Variants in ZC3H8 observed in about 807,000 individuals in gnomAD.
ZC3H8 encodes zinc finger CCCH-type containing 8.
In ZC3H8, 27 loss-of-function variants were observed where a neutral mutation model predicts 42.5. That is an observed-to-expected ratio of 0.64 (90% confidence interval 0.47 to 0.88). The LOEUF (loss-of-function observed/expected upper bound fraction) is 0.88. ZC3H8 is among the 40% of genes least tolerant of loss of function. ZC3H8 has a pLI of 0.00. For missense variants in ZC3H8, 277 were observed against 336.1 expected, an observed-to-expected ratio of 0.82 and a Z score of 1.37; for synonymous variants, 101 against 110.1, an observed-to-expected ratio of 0.92 and a Z score of 0.52.
intron 2 of ZC3H8, among the ~76,000 whole-genome samples, chr2:112,245,877 T>A (rs1477941826): frequency 6.6e-6 from 1 of 152,200 alleles, no homozygotes; most frequent in East Asian, 1.9e-4. Flanking sequence ...CACTACAATC[T>A]ATGCATGTAA....
intron 1 of ZC3H8, among the ~76,000 whole-genome samples, chr2:112,254,650 C>G (rs1390943251): frequency 6.6e-6 from 1 of 152,254 alleles, no homozygotes; most frequent in Non-Finnish European, 1.5e-5. Flanking sequence ...TCGCCTCCAC[C>G]CCGCTCCCCC....
At chr2:112,254,654 C>CT (rs747211258) in intron 1 of ZC3H8, among the ~76,000 whole-genome samples, 2 of 152,248 alleles carry the variant, frequency 1.3e-5, no homozygotes, top group Non-Finnish European at 2.9e-5. Context: ...CTCCACCCCG[C>CT]TCCCCCGCCC....
intron 8 of ZC3H8, among the ~76,000 whole-genome samples, chr2:112,219,671 A>G (rs1469610901): frequency 6.6e-6 from 1 of 151,208 alleles, no homozygotes; most frequent in African/African-American, 2.4e-5. Context: ...TAATTTGCTG[A>G]GGATTATTTT....
Position 112,226,314 on chromosome 2 carries a change from C to T in ZC3H8, c.*15+4589G>A, listed in dbSNP as rs185890090. ...ATCTAATTAAAAAAAAGCGGCTGGG[C>T]GCGGTAGCTCACGCCTGTAATCCCA... On this transcript the variant is annotated intron_variant, in intron 8 of 8. Transcript: ENST00000409573. Among the ~76,000 whole-genome samples the T allele has an allele frequency of 8.1e-4, 122 of 151,500 alleles. 1 individual carries two copies. In the Middle Eastern group the frequency reaches 0.031, roughly 38 times the overall value.
chr2:112,219,489 A>C (rs777687470), intron 8 of ZC3H8, among the ~76,000 whole-genome samples: 1 of 152,188 alleles, frequency 6.6e-6, no homozygotes, highest in Non-Finnish European at 1.5e-5. Flanking sequence ...ATAGAGGAAA[A>C]CATAAGGGAA....
chr2:112,238,338 T>C lies in ZC3H8; in HGVS notation c.347A>G (p.Glu116Gly), dbSNP rs778416509. The part of the protein sequence containing the change: ...AAQPEESTKK[E>G]GVKDTPQAAK... ...ACCCTGTGGGGTATCTTTTACTCCT[T>C]CTTTCTTTGTAGATTCTTCAGGTTG... Residue 116 changes from glutamate (E) to glycine (G), a missense_variant, in exon 3 of 9, where the codon GAA becomes GGA. Transcript: ENST00000409573. The C allele has an allele frequency of 1.1e-5, 18 of 1,613,598 alleles. No homozygotes were observed. The highest frequency in any genetic ancestry group is 1.4e-5 in the Non-Finnish European group (17 of 1,179,874).
rs916790617 is a variant in ZC3H8, at chr2:112,214,353, C to T, written c.*2131G>A. ...ATCCCGTTTGCTTTGGCTTTAAAGA[C>T]GGTCAAGGATAAATTCAATAGAGCC... On this transcript the variant is annotated 3_prime_UTR_variant, in exon 9 of 9. Transcript: ENST00000409573. The T allele has an allele frequency of 2.6e-5, 4 of 152,068 alleles. No individual in the cohort carries two copies. Among genetic ancestry groups the T allele is most frequent in the Admixed American group, 6.6e-5 (1 of 15,262 alleles). 9.4% of individuals were successfully genotyped at this position (152,068 alleles called of 1,614,324 possible). A position where few individuals can be genotyped will look rare whatever the true frequency, so the allele number is the denominator to read the frequency against.
rs929406872 is a variant in ZC3H8 at position 112,212,531 on chromosome 2, C to T, written c.*3953G>A. On this transcript the variant is annotated 3_prime_UTR_variant, in exon 9 of 9. Coordinates refer to ENST00000409573, the MANE Select transcript of ZC3H8 (RefSeq NM_032494.3). ...CTTTGGCTGCAGGTAGCATAGTAGACAACCCAAATCAAAATGGCTTCAACA... is the reference window on the plus strand; with the variant it reads ...CTTTGGCTGCAGGTAGCATAGTAGATAACCCAAATCAAAATGGCTTCAACA... 11 of 152,146 alleles carry T rather than the reference C, an allele frequency of 7.2e-5. No homozygotes were observed. The highest frequency in any genetic ancestry group is 1.9e-4 in the African/African-American group (8 of 41,432). 9.4% of individuals were successfully genotyped at this position (152,146 alleles called of 1,614,324 possible). A position where few individuals can be genotyped will look rare whatever the true frequency, so the allele number is the denominator to read the frequency against.
Position 112,231,819 on chromosome 2 carries a change from T to C in ZC3H8, c.843+19A>G, listed in dbSNP as rs778565181. On this transcript the variant is annotated intron_variant, in intron 7 of 8. Transcript: ENST00000409573. Reference sequence around the variant, plus strand: ...CCTTAAAAAAGAAAAAACAAAAGATTATTAAAAATTATACTTACTTTAGCC... The same window carrying C: ...CCTTAAAAAAGAAAAAACAAAAGATCATTAAAAATTATACTTACTTTAGCC... 4 of 1,459,356 alleles carry C rather than the reference T, an allele frequency of 2.7e-6. No homozygotes were observed. Among genetic ancestry groups the C allele is most frequent in the Non-Finnish European group, 3.7e-6 (4 of 1,071,382 alleles). 90.4% of individuals were successfully genotyped at this position (1,459,356 alleles called of 1,614,324 possible).
chr2:112,253,369 T>G (rs547968884), intron 1 of ZC3H8, among the ~76,000 whole-genome samples: 2 of 152,220 alleles, frequency 1.3e-5, no homozygotes, highest in African/African-American at 2.4e-5. Context: ...ATACGATTTT[T>G]TGAATGAATG....
intron 4 of ZC3H8, among the ~76,000 whole-genome samples, chr2:112,235,894 T>C (rs1685297334): frequency 6.7e-6 from 1 of 149,692 alleles, no homozygotes; most frequent in Non-Finnish European, 1.5e-5. Flanking sequence ...TTTGATCTTC[T>C]CTGGGCTTCC....
Position 112,248,052 on chromosome 2 carries a change from A to G in ZC3H8, c.156+2139T>C, listed in dbSNP as rs140658584. Among the ~76,000 whole-genome samples, 823 of 152,332 alleles carry G rather than the reference A, an allele frequency of 5.4e-3. 3 individuals carry two copies. Among genetic ancestry groups the G allele is most frequent in the Middle Eastern group, 0.02 (6 of 294 alleles). ...TTTTATAAAACTAAGGAGGCTGGGC[A>G]TGGTGGCTCACACCTATAATCCTAG... On this transcript the variant is annotated intron_variant, in intron 2 of 8. Transcript: ENST00000409573.
intron 2 of ZC3H8, among the ~76,000 whole-genome samples, chr2:112,243,164 T>C (rs1192312705): frequency 6.6e-6 from 1 of 152,146 alleles, no homozygotes; most frequent in East Asian, 1.9e-4. Flanking sequence ...AGGAACAAGA[T>C]CTCCATACCT....
intron 2 of ZC3H8, among the ~76,000 whole-genome samples, chr2:112,241,444 C>T (rs1237394872): frequency 6.6e-6 from 1 of 152,156 alleles, no homozygotes; most frequent in Non-Finnish European, 1.5e-5. Context: ...CAGAGACCCC[C>T]CCCTCAAGGG....
At chr2:112,217,622 G>A (rs551504586) in intron 8 of ZC3H8, among the ~76,000 whole-genome samples, 41 of 152,286 alleles carry the variant, frequency 2.7e-4, no homozygotes, top group African/African-American at 9.6e-4. Flanking sequence ...ATAGTAGAGT[G>A]TTTTTAAAAA....
At chr2:112,243,660 G>C (rs760613249) in intron 2 of ZC3H8, among the ~76,000 whole-genome samples, 2 of 152,148 alleles carry the variant, frequency 1.3e-5, no homozygotes, top group Non-Finnish European at 2.9e-5. Flanking sequence ...GTCAAAGGCT[G>C]TGTTGTGGAA....
intron 8 of ZC3H8, among the ~76,000 whole-genome samples, chr2:112,217,682 T>C (rs1684387582): frequency 6.6e-6 from 1 of 152,220 alleles, no homozygotes; most frequent in Non-Finnish European, 1.5e-5. Context: ...AGTCTTTAGG[T>C]ACAGGAAAGC....
intron 2 of ZC3H8, among the ~76,000 whole-genome samples, chr2:112,244,165 A>C (rs1685681829): frequency 6.6e-6 from 1 of 152,172 alleles, no homozygotes; most frequent in Non-Finnish European, 1.5e-5. Context: ...AGAGCCTTAA[A>C]GCTTCCAGAG....
In ZC3H8 at chr2:112,255,027, A is replaced by AACAACCCGAGAGAGTG. The variant is rs1315053981; in HGVS notation, c.-47_-46insCACTCTCTCGGGTTGT. 4 of 1,559,702 alleles carry AACAACCCGAGAGAGTG rather than the reference A, an allele frequency of 2.6e-6. No homozygotes were observed. Among genetic ancestry groups the AACAACCCGAGAGAGTG allele is most frequent in the African/African-American group, 1.4e-5 (1 of 73,550 alleles). On this transcript the variant is annotated 5_prime_UTR_variant, in exon 1 of 9. Transcript: ENST00000409573. ...TTCGCGAGCCGGGAAGCTACAGAGT[A>AACAACCCGAGAGAGTG]ACAACCCGAGAGAGTGACAACCCGG...
Sources: allele counts gnomAD v4.1 joint callset (sites outside exome capture counted in the v4.1 genomes callset), GRCh38; gene constraint gnomAD v4.1.1; transcripts MANE v1.5; gene names NCBI Gene and HGNC (gene_info 2026-07-23, HGNC 2026-07-21).